HDAC9: variants seen among roughly 807,000 people sequenced by gnomAD.
HDAC9 encodes histone deacetylase 9.
HDAC9 carries 41 observed loss-of-function variants against 139.4 expected under a neutral mutation model. The ratio of observed to expected loss-of-function variants is 0.29; its 90% CI spans 0.23 to 0.38. The LOEUF (loss-of-function observed/expected upper bound fraction) is 0.38. HDAC9 is among the 10% of genes least tolerant of loss of function. The probability of loss-of-function intolerance (pLI) is 1.00; values close to 1 mark genes in which losing one functional copy is unlikely to be tolerated. For missense variants in HDAC9, 1,147 were observed against 1,297.0 expected, an observed-to-expected ratio of 0.88 and a Z score of 1.78; for synonymous variants, 517 against 476.2, an observed-to-expected ratio of 1.09 and a Z score of -1.12.
At chr7:18,928,890 A>G (rs1299203303) in intron 22 of HDAC9, among the ~76,000 whole-genome samples, 1 of 151,156 alleles carries the variant, frequency 6.6e-6, no homozygotes, top group Non-Finnish European at 1.5e-5. Context: ...GAGCCTGTTT[A>G]TTATTATACT....
intron 13 of HDAC9, among the ~76,000 whole-genome samples, chr7:18,734,897 T>G (rs1422743106): frequency 6.6e-6 from 1 of 152,210 alleles, no homozygotes; most frequent in Non-Finnish European, 1.5e-5. Flanking sequence ...CTCCAGCATC[T>G]GTTGTTTCCT....
At chr7:18,133,333 C>G (rs1056309908) in intron 1 of HDAC9, among the ~76,000 whole-genome samples, 3 of 151,918 alleles carry the variant, frequency 2.0e-5, no homozygotes, top group African/African-American at 4.8e-5. Context: ...TCTTATCACC[C>G]TCTTAAGAAA....
At chr7:18,493,007 A>G (rs1796480526), upstream of HDAC9, among the ~76,000 whole-genome samples, 1 of 151,986 alleles carries the variant, frequency 6.6e-6, no homozygotes, top group Non-Finnish European at 1.5e-5. Flanking sequence ...ATGAAACGTA[A>G]ATAAACCTCA....
rs551625260 is a variant in HDAC9, at chr7:18,404,381, T to A, written c.-41-91881T>A. 6.6e-5 allele frequency among the ~76,000 whole-genome samples: 10 copies of A among 152,222 alleles called. No individual in the cohort carries two copies. The East Asian group carries it at 9.7e-4, about 15-fold the overall frequency. On this transcript the variant is annotated intron_variant, in intron 1 of 3. Transcript: ENST00000413509. ...AATCATGTAAACGATTTATCCTGAA[T>A]GAAAGAGCAATGTCACATTAGAAGA...
chr7:18,501,634 A>G (rs949215420), intron 2 of HDAC9, among the ~76,000 whole-genome samples: 17 of 152,152 alleles, frequency 1.1e-4, no homozygotes, highest in Admixed American at 1.0e-3. Context: ...AATTTTTTAA[A>G]TCTATCCATC....
chr7:18,793,464 G>T lies in HDAC9; in HGVS notation c.2322+12G>T, dbSNP rs943746240. 2.0e-5 allele frequency: 30 copies of T among 1,490,558 alleles called. No homozygotes were observed. The highest frequency in any genetic ancestry group is 2.6e-5 in the Non-Finnish European group (28 of 1,088,344). The allele number at this position is 1,490,558 out of a possible 1,614,324, so 92.3% of individuals were successfully genotyped here. On this transcript the variant is annotated intron_variant, in intron 17 of 25. Coordinates refer to ENST00000686413, the MANE Select transcript of HDAC9 (RefSeq NM_178425.4). ...CAGGAGAGCTGAAGGTGAGGTCCGG[G>T]TTGCATTAAGTGTGGGAAATCCAGA... is the stretch of plus-strand genomic sequence containing the variant.
At chr7:18,765,490 C>G (rs116845789) in intron 15 of HDAC9, among the ~76,000 whole-genome samples, 2 of 151,896 alleles carry the variant, frequency 1.3e-5, no homozygotes, top group Non-Finnish European at 2.9e-5. Flanking sequence ...CATGGTGATG[C>G]GCACCTGTAG....
intron 19 of HDAC9, among the ~76,000 whole-genome samples, chr7:18,833,759 T>C (rs893132448): frequency 2.0e-5 from 3 of 152,188 alleles, no homozygotes; most frequent in African/African-American, 7.2e-5. Context: ...ATTTTGGATA[T>C]GTGTACCATT....
chr7:18,122,644 A>G (rs1784425801), intron 1 of HDAC9, among the ~76,000 whole-genome samples: 1 of 152,120 alleles, frequency 6.6e-6, no homozygotes, highest in Admixed American at 6.5e-5. Flanking sequence ...TTTGAGACAG[A>G]GTCTTGCTGT....
chr7:18,787,267 G>A (rs1017595327), intron 16 of HDAC9, among the ~76,000 whole-genome samples: 1 of 152,078 alleles, frequency 6.6e-6, no homozygotes, highest in Admixed American at 6.6e-5. Context: ...CTAAAGTGGG[G>A]TTCTACTCAA....
chr7:18,954,083 T>A (rs1782984091), intron 23 of HDAC9, 63 bp from the exon 24 acceptor site: 21 of 1,142,280 alleles, frequency 1.8e-5, no homozygotes, highest in Non-Finnish European at 2.6e-5. Context: ...TTTGCTTTGC[T>A]TCTGTGAGAC....
intron 22 of HDAC9, among the ~76,000 whole-genome samples, chr7:18,926,263 G>T (rs1381991053): frequency 6.6e-6 from 1 of 152,090 alleles, no homozygotes; most frequent in Non-Finnish European, 1.5e-5. Context: ...TGGGAGGATT[G>T]TTTGGGCCCT....
chr7:18,140,663 A>G (rs1001319738), intron 1 of HDAC9, among the ~76,000 whole-genome samples: 17 of 152,298 alleles, frequency 1.1e-4, no homozygotes, highest in African/African-American at 3.6e-4. Context: ...ATTGGTTGGT[A>G]TGCAGTATTT....
At chr7:18,610,101 CAT>C (rs1489787129) in intron 6 of HDAC9, among the ~76,000 whole-genome samples, 2 of 152,114 alleles carry the variant, frequency 1.3e-5, no homozygotes, top group Non-Finnish European at 1.5e-5. Flanking sequence ...CACACGCACA[CAT>C]ATGTTTATTG....
intron 16 of HDAC9, among the ~76,000 whole-genome samples, chr7:18,786,195 T>G (rs933924614): frequency 6.6e-6 from 1 of 152,164 alleles, no homozygotes; most frequent in Non-Finnish European, 1.5e-5. Flanking sequence ...TTTTTATCCC[T>G]TATTCTGGAT....
intron 12 of HDAC9, among the ~76,000 whole-genome samples, chr7:18,671,111 A>T (rs1324897575): frequency 6.6e-6 from 1 of 151,986 alleles, no homozygotes. Flanking sequence ...AACGCAAAGA[A>T]AGTCCAGTTT....
At chr7:18,566,614 C>T (rs1273592872) in intron 2 of HDAC9, among the ~76,000 whole-genome samples, 3 of 152,162 alleles carry the variant, frequency 2.0e-5, no homozygotes. Flanking sequence ...TTGTTTTATA[C>T]ATGAGAAACC....
At chr7:18,753,819 T>A (rs2129149994) in intron 14 of HDAC9, among the ~76,000 whole-genome samples, 1 of 152,260 alleles carries the variant, frequency 6.6e-6, no homozygotes, top group African/African-American at 2.4e-5. Context: ...TTGGTTTTCC[T>A]ATGTTTAGAT....
chr7:18,370,507 C>T (rs897348071), intron 1 of HDAC9, among the ~76,000 whole-genome samples: 4 of 152,118 alleles, frequency 2.6e-5, no homozygotes, highest in Non-Finnish European at 2.9e-5. Context: ...ATTTAATTCT[C>T]TACCTCAAGT....
Sources: allele counts gnomAD v4.1 joint callset (sites outside exome capture counted in the v4.1 genomes callset), GRCh38; gene constraint gnomAD v4.1.1; transcripts MANE v1.5; gene names NCBI Gene and HGNC (gene_info 2026-07-23, HGNC 2026-07-21).